The following TGFA variants were observed in gnomAD, a reference collection of about 807,000 sequenced individuals.
TGFA encodes the protein protransforming growth factor alpha.
In TGFA, 12 loss-of-function variants were observed where a neutral mutation model predicts 21.7. That is an observed-to-expected ratio of 0.55 (90% confidence interval 0.35 to 0.90). The LOEUF (loss-of-function observed/expected upper bound fraction) is 0.90. Among genes scored for constraint, TGFA ranks in the 40% least tolerant of loss-of-function variants. The pLI, the probability that TGFA is intolerant of heterozygous loss-of-function variation, is 0.01. For synonymous variants in TGFA, 79 were observed against 88.1 expected (o/e 0.90, Z 0.58); for missense variants, 178 against 210.8 (o/e 0.84, Z 0.96).
intron 2 of TGFA, among the ~76,000 whole-genome samples, chr2:70,476,080 C>CAAAAAA (rs1175233983): frequency 0.041 from 2,250 of 55,546 alleles, 198 homozygotes; most frequent in African/African-American, 0.07. Flanking sequence ...TAATTTTAAG[C>CAAAAAA]AAAAAAAAAA....
In TGFA at chr2:70,553,136, G is replaced by A. The variant is rs1413817942; in HGVS notation, c.40+592C>T. ...GGACACCGAAACCACTTCTCCCAGGGAAGTTAATTAAAGGAACCATTAATC... is the reference window on the plus strand; with the variant it reads ...GGACACCGAAACCACTTCTCCCAGGAAAGTTAATTAAAGGAACCATTAATC... On this transcript the variant is annotated intron_variant, in intron 1 of 5. Transcript: ENST00000295400. 5 of 1,528,272 alleles carry A rather than the reference G, an allele frequency of 3.3e-6. 1 individual carries two copies. The African/African-American group carries it at 4.1e-5, about 13-fold the overall frequency. The allele number at this position is 1,528,272 out of a possible 1,614,324, so 94.7% of individuals were successfully genotyped here. A position where few individuals can be genotyped will look rare whatever the true frequency, so the allele number is the denominator to read the frequency against.
intron 2 of TGFA, among the ~76,000 whole-genome samples, chr2:70,506,133 T>C (rs1574113184): frequency 2.0e-5 from 3 of 152,198 alleles, no homozygotes. Context: ...TTCATCACAG[T>C]AAGGCCAATG....
chr2:70,522,516 C>A (rs1429577544), intron 1 of TGFA, among the ~76,000 whole-genome samples: 3 of 152,262 alleles, frequency 2.0e-5, no homozygotes, highest in South Asian at 4.1e-4. Flanking sequence ...CTCACTGCAA[C>A]CTCCACCTCC....
At chr2:70,547,588 A>G (rs1673347286) in intron 1 of TGFA, among the ~76,000 whole-genome samples, 1 of 150,104 alleles carries the variant, frequency 6.7e-6, no homozygotes, top group Non-Finnish European at 1.5e-5. Context: ...AACTATTATG[A>G]AAGATTAAGT....
intron 1 of TGFA, among the ~76,000 whole-genome samples, chr2:70,545,654 A>G (rs1553505780): frequency 6.6e-6 from 1 of 152,192 alleles, no homozygotes; most frequent in African/African-American, 2.4e-5. Flanking sequence ...GAATTACAAG[A>G]AAAAAAGTAA....
rs1671881977 is a variant in TGFA at position 70,505,174 on chromosome 2, T to G, written c.94+9685A>C. Among the ~76,000 whole-genome samples the G allele has an allele frequency of 2.0e-5, 3 of 152,234 alleles. No individual in the cohort carries two copies. The South Asian group carries it at 6.2e-4, about 32-fold the overall frequency. ...TCATAGCAGCTTTTGACCATTATGT[T>G]TATTAACTCATTTAATATAATTTAC... On this transcript the variant is annotated intron_variant, in intron 2 of 5. Coordinates refer to ENST00000295400, the MANE Select transcript of TGFA (RefSeq NM_003236.4).
At chr2:70,490,415 G>A (rs1328201081) in intron 2 of TGFA, among the ~76,000 whole-genome samples, 1 of 152,148 alleles carries the variant, frequency 6.6e-6, no homozygotes, top group Non-Finnish European at 1.5e-5. Flanking sequence ...GAACATTTTT[G>A]TGCTTCAGCC....
chr2:70,473,792 A>G (rs1015223364), intron 2 of TGFA, among the ~76,000 whole-genome samples: 4 of 152,196 alleles, frequency 2.6e-5, no homozygotes, highest in Non-Finnish European at 5.9e-5. Context: ...ATTTGAAAAC[A>G]GAGTTTAGCC....
Position 70,462,999 on chromosome 2 carries a change from A to C in TGFA, c.215+2617T>G, listed in dbSNP as rs1033890992. Among the ~76,000 whole-genome samples the C allele has an allele frequency of 2.0e-5, 3 of 152,140 alleles. No individual in the cohort carries two copies. In the South Asian group the frequency reaches 6.2e-4, roughly 32 times the overall value. ...CAGGGGGAAAATGCCTGGAAGCAAA[A>C]GAGCTGAGTGGTTTGAGGTGAATTT... is the stretch of plus-strand genomic sequence containing the variant. On this transcript the variant is annotated intron_variant, in intron 3 of 5. Coordinates refer to ENST00000295400, the MANE Select transcript of TGFA (RefSeq NM_003236.4).
chr2:70,480,222 C>T (rs868943123), intron 2 of TGFA, among the ~76,000 whole-genome samples: 3 of 152,214 alleles, frequency 2.0e-5, no homozygotes, highest in African/African-American at 7.2e-5. Flanking sequence ...TGAGAGCTGA[C>T]TGAGTTTGTC....
intron 2 of TGFA, among the ~76,000 whole-genome samples, chr2:70,466,546 C>A (rs890264315): frequency 1.3e-5 from 2 of 151,862 alleles, no homozygotes; most frequent in East Asian, 1.9e-4. Flanking sequence ...AACAAAAAAA[C>A]CAAAAAAACC....
intron 2 of TGFA, among the ~76,000 whole-genome samples, chr2:70,469,732 C>A (rs1670678639): frequency 6.6e-6 from 1 of 152,184 alleles, no homozygotes; most frequent in Non-Finnish European, 1.5e-5. Context: ...AGTGGAAAGG[C>A]CAGGGTCCTT....
At chr2:70,480,276 G>A (rs1411967046) in intron 2 of TGFA, among the ~76,000 whole-genome samples, 1 of 152,146 alleles carries the variant, frequency 6.6e-6, no homozygotes, top group Non-Finnish European at 1.5e-5. Context: ...GGCATTGGCA[G>A]GATCCAGATG....
At chr2:70,482,198 C>T (rs552211586) in intron 2 of TGFA, among the ~76,000 whole-genome samples, 7 of 151,970 alleles carry the variant, frequency 4.6e-5, no homozygotes, top group Non-Finnish European at 7.4e-5. Flanking sequence ...TTACCAAATA[C>T]GTTGGATGTT....
At chr2:70,499,683 G>A (rs1671680236) in intron 2 of TGFA, among the ~76,000 whole-genome samples, 1 of 152,106 alleles carries the variant, frequency 6.6e-6, no homozygotes. Flanking sequence ...CTTTTATTTT[G>A]TATCTATTGT....
chr2:70,532,353 T>C (rs558863504), intron 1 of TGFA, among the ~76,000 whole-genome samples: 15 of 152,322 alleles, frequency 9.8e-5, no homozygotes, highest in Non-Finnish European at 1.5e-4. Context: ...AATGACTTTA[T>C]CTTCACGGCC....
At chr2:70,552,392 C>T (rs1553506940) in intron 1 of TGFA, among the ~76,000 whole-genome samples, 1 of 152,186 alleles carries the variant, frequency 6.6e-6, no homozygotes, top group African/African-American at 2.4e-5. Flanking sequence ...TAATTATATC[C>T]AGGAAGCTTC....
At chr2:70,550,661 A>C (rs1483225945) in intron 1 of TGFA, among the ~76,000 whole-genome samples, 2 of 152,006 alleles carry the variant, frequency 1.3e-5, no homozygotes, top group African/African-American at 4.8e-5. Context: ...TCTACTAAAA[A>C]TATATTTAAA....
intron 1 of TGFA, among the ~76,000 whole-genome samples, chr2:70,526,464 G>A (rs114448165): frequency 0.02 from 2,979 of 152,238 alleles, 98 homozygotes; most frequent in African/African-American, 0.068. Flanking sequence ...TACCAGCCAC[G>A]TGTAGCAAAG....
Sources: allele counts gnomAD v4.1 joint callset (sites outside exome capture counted in the v4.1 genomes callset), GRCh38; gene constraint gnomAD v4.1.1; transcripts MANE v1.5; gene names NCBI Gene and HGNC (gene_info 2026-07-23, HGNC 2026-07-21).